AKT3: variants seen among roughly 807,000 people sequenced by gnomAD.
AKT3 encodes the protein RAC-gamma serine/threonine-protein kinase.
A neutral mutation model predicts 65.3 loss-of-function variants in AKT3; 15 were observed. The ratio of observed to expected loss-of-function variants is 0.23; its 90% CI spans 0.15 to 0.35. The LOEUF (loss-of-function observed/expected upper bound fraction) is 0.35, where lower values mean the gene tolerates loss of function less well. Among genes scored for constraint, AKT3 ranks in the 10% least tolerant of loss-of-function variants. The pLI is 1.00. For missense variants in AKT3, 243 were observed against 576.5 expected (o/e 0.42, Z 5.92); for synonymous variants, 206 against 183.8 (o/e 1.12, Z -0.98).
At chr1:243,727,436 T>C (rs1687280247) in intron 2 of AKT3, among the ~76,000 whole-genome samples, 1 of 152,000 alleles carries the variant, frequency 6.6e-6, no homozygotes, top group Non-Finnish European at 1.5e-5. Context: ...TGCACTACCA[T>C]GCGTGGCTAA....
intron 2 of AKT3, among the ~76,000 whole-genome samples, chr1:243,787,109 C>G (rs1691314580): frequency 6.6e-6 from 1 of 152,126 alleles, no homozygotes; most frequent in African/African-American, 2.4e-5. Context: ...GGAATAACTG[C>G]CAGTCATCAT....
chr1:243,619,535 T>C, intron 6 of AKT3, among the ~76,000 whole-genome samples: 1 of 53,180 alleles, frequency 1.9e-5, no homozygotes, highest in East Asian at 5.5e-4. Context: ...GAACAACCAA[T>C]CTACTGTCTA....
intron 2 of AKT3, among the ~76,000 whole-genome samples, chr1:243,705,947 G>C (rs370326017): frequency 6.6e-6 from 1 of 152,100 alleles, no homozygotes; most frequent in Non-Finnish European, 1.5e-5. Flanking sequence ...TCAAAAAGTA[G>C]TCATAGAATT....
intron 8 of AKT3, among the ~76,000 whole-genome samples, chr1:243,610,473 A>G (rs1263582604): frequency 1.3e-5 from 2 of 152,338 alleles, no homozygotes; most frequent in African/African-American, 2.4e-5. Flanking sequence ...ACATGAACAC[A>G]CAATACCGTT....
chr1:243,628,080 T>C (rs545124376), intron 6 of AKT3, among the ~76,000 whole-genome samples: 6 of 152,296 alleles, frequency 3.9e-5, no homozygotes, highest in East Asian at 1.9e-4. Flanking sequence ...CAAGAAAGTA[T>C]AGAACACATC....
chr1:243,724,094 ATTCAGAAATGCTT>A (rs1316486832), intron 2 of AKT3, among the ~76,000 whole-genome samples: 1 of 152,196 alleles, frequency 6.6e-6, no homozygotes, highest in African/African-American at 2.4e-5. Flanking sequence ...TCCTCAAAGT[ATTCAGAAATGCTT>A]TTCTGAGCCA....
At chr1:243,702,838 G>A (rs1421871690) in intron 2 of AKT3, 1 of 152,024 alleles carries the variant, frequency 6.6e-6, no homozygotes, top group Non-Finnish European at 1.5e-5. Context: ...GTCTTCCAAA[G>A]AAAAGAGCAG....
At chr1:243,718,341 C>T (rs1400098029) in intron 2 of AKT3, among the ~76,000 whole-genome samples, 1 of 152,188 alleles carries the variant, frequency 6.6e-6, no homozygotes, top group Non-Finnish European at 1.5e-5. Flanking sequence ...AAATTGGAAA[C>T]ATCAAGTGAG....
At chr1:243,722,192 T>C (rs1686954335) in intron 2 of AKT3, among the ~76,000 whole-genome samples, 1 of 152,202 alleles carries the variant, frequency 6.6e-6, no homozygotes, top group South Asian at 2.1e-4. Context: ...ACATCTGCTA[T>C]ATATATTCGT....
intron 2 of AKT3, among the ~76,000 whole-genome samples, chr1:243,790,901 T>C (rs1432823009): frequency 5.9e-5 from 9 of 152,194 alleles, no homozygotes; most frequent in Non-Finnish European, 1.3e-4. Flanking sequence ...ACATGGGTAA[T>C]GGTTCGTGGT....
chr1:243,723,470 T>C lies in AKT3; in HGVS notation c.47-27754A>G, dbSNP rs74415090. On this transcript the variant is annotated intron_variant, in intron 2 of 13. Coordinates refer to ENST00000673466, the MANE Select transcript of AKT3 (RefSeq NM_005465.7). ...CAAGTTAAATGTTCTCTAGAAATTA[T>C]AGATAATTCACTATGTCATATTAAT... is the stretch of plus-strand genomic sequence containing the variant. 4.9e-3 allele frequency among the ~76,000 whole-genome samples: 742 copies of C among 152,338 alleles called. 9 individuals are homozygous for C. Among genetic ancestry groups the C allele is most frequent in the African/African-American group, 0.017 (704 of 41,576 alleles).
At chr1:243,709,906 T>TA (rs11429782) in intron 2 of AKT3, among the ~76,000 whole-genome samples, 1,557 of 152,226 alleles carry the variant, frequency 0.01, 22 homozygotes, top group African/African-American at 0.036. Context: ...CTTCACGATT[T>TA]ATGCTTTTCC....
chr1:243,550,806 A>AAG (rs1356783290), intron 11 of AKT3, among the ~76,000 whole-genome samples: 1 of 144,116 alleles, frequency 6.9e-6, no homozygotes, highest in African/African-American at 2.5e-5. Flanking sequence ...AAAAAAAAAA[A>AAG]AAAAAAGCCA....
In AKT3 at chr1:243,843,691, C is replaced by T. The variant is rs185171436; in HGVS notation, c.-112-409G>A. 57 of 607,658 alleles carry T rather than the reference C, an allele frequency of 9.4e-5. No individual in the cohort carries two copies. The East Asian group carries it at 6.6e-3, about 71-fold the overall frequency. 37.6% of individuals were successfully genotyped at this position (607,658 alleles called of 1,614,324 possible). A position where few individuals can be genotyped will look rare whatever the true frequency, so the allele number is the denominator to read the frequency against. On this transcript the variant is annotated intron_variant, in intron 1 of 13. Transcript: ENST00000673466. ...TTTTTGAAACGGAATCTCACTCTGTCGCCAGGCTGGAGTACAGTGGCGCGA... is the reference window on the plus strand; with the variant it reads ...TTTTTGAAACGGAATCTCACTCTGTTGCCAGGCTGGAGTACAGTGGCGCGA...
Position 243,647,460 on chromosome 1 carries a change from A to G in AKT3, c.285-1423T>C, listed in dbSNP as rs148758897. ...TTTGTCCAAGTAGTATGTTTACACA[A>G]TGTTCCTAATGACATGTTTCTCAAA... On this transcript the variant is annotated intron_variant, in intron 4 of 13. Transcript: ENST00000673466. Among the ~76,000 whole-genome samples, 251 of 152,308 alleles carry G rather than the reference A, an allele frequency of 1.6e-3. 1 individual carries two copies. The highest frequency in any genetic ancestry group is 5.8e-3 in the African/African-American group (242 of 41,576).
chr1:243,758,473 G>A (rs1383381472), intron 2 of AKT3, among the ~76,000 whole-genome samples: 1 of 152,192 alleles, frequency 6.6e-6, no homozygotes, highest in Non-Finnish European at 1.5e-5. Context: ...GCTGCAATAA[G>A]AGCATGAAGC....
Position 243,594,694 on chromosome 1 carries a change from C to T in AKT3, c.696+18977G>A, listed in dbSNP as rs568155217. ...ATCACTGCAGCATCAACCTCTTGGG[C>T]TCAAGCAATGCTCCCAATTCTGCCT... On this transcript the variant is annotated intron_variant, in intron 8 of 13. Transcript: ENST00000673466. 2.6e-5 allele frequency among the ~76,000 whole-genome samples: 4 copies of T among 152,230 alleles called. No homozygotes were observed. The East Asian group carries it at 7.7e-4, about 29-fold the overall frequency.
At chr1:243,612,029 T>A (rs1240363805) in intron 8 of AKT3, among the ~76,000 whole-genome samples, 2 of 152,240 alleles carry the variant, frequency 1.3e-5, no homozygotes, top group Non-Finnish European at 2.9e-5. Context: ...GGATAATATC[T>A]TAACACATTT....
rs1188491270 is a variant in AKT3, at chr1:243,667,337, G to C, written c.173-2454C>G. Among the ~76,000 whole-genome samples, 6 of 152,136 alleles carry C rather than the reference G, an allele frequency of 3.9e-5. No homozygotes were observed. The South Asian group carries it at 1.2e-3, about 32-fold the overall frequency. On this transcript the variant is annotated intron_variant, in intron 3 of 13. Transcript: ENST00000673466. The stretch of plus-strand genomic sequence containing the variant: ...GAGACATCTGAACATGTCCGAACGT[G>C]AACTCTTGACCTCTCTCAACCCTGC...
Sources: gnomAD v4.1 joint callset for allele counts (sites outside exome capture counted in the v4.1 genomes callset) on GRCh38, gnomAD v4.1.1 for gene constraint, MANE v1.5 for transcripts, NCBI Gene and HGNC (gene_info 2026-07-23, HGNC 2026-07-21) for gene names.